NUP205: variants seen among roughly 807,000 people sequenced by gnomAD.
The protein encoded by NUP205 is nucleoporin 205, also known as nuclear pore complex protein Nup205.
A neutral mutation model predicts 253.8 loss-of-function variants in NUP205; 76 were observed. The observed-to-expected ratio is 0.30, with a 90% CI of 0.25 to 0.36. The LOEUF is 0.36. Among genes scored for constraint, NUP205 ranks in the 10% least tolerant of loss-of-function variants. The pLI is 1.00. For missense variants in NUP205, 2,162 were observed against 2,425.5 expected, an observed-to-expected ratio of 0.89 and a Z score of 2.28; for synonymous variants, 832 against 850.1, an observed-to-expected ratio of 0.98 and a Z score of 0.37.
Position 135,638,607 on chromosome 7 carries a change from C to G in NUP205, c.5316C>G (p.Ser1772=), listed in dbSNP as rs1420367794. 1 of 1,613,548 alleles carries G rather than the reference C, an allele frequency of 6.2e-7. No homozygotes were observed. Among genetic ancestry groups the G allele is most frequent in the African/African-American group, 1.3e-5 (1 of 74,864 alleles). ...EYCQSLMLQS[S]PTFQHAVCLF... The stretch of plus-strand genomic sequence containing the variant: ...GCCAGTCACTCATGTTACAGAGTTC[C>G]CCTACCTTCCAGCATGCTGTGTGTC... Residue 1772 remains serine, a synonymous_variant, in exon 38 of 43, where the codon TCC becomes TCG. Transcript: ENST00000285968.
At chr7:135,566,221 G>A (rs1044844946) in intron 1 of NUP205, among the ~76,000 whole-genome samples, 4 of 151,990 alleles carry the variant, frequency 2.6e-5, no homozygotes, top group African/African-American at 9.7e-5. Flanking sequence ...AGATTCTTGT[G>A]CCTCAACCCT....
At chr7:135,596,994 T>G (rs1793855786) in intron 13 of NUP205, among the ~76,000 whole-genome samples, 1 of 151,784 alleles carries the variant, frequency 6.6e-6, no homozygotes, top group Admixed American at 6.6e-5. Flanking sequence ...AGAAGTTTCC[T>G]TTTGGGTTTT....
At chr7:135,613,285 G>C (rs1444562274) in intron 22 of NUP205, among the ~76,000 whole-genome samples, 1 of 151,490 alleles carries the variant, frequency 6.6e-6, no homozygotes, top group African/African-American at 2.4e-5. Flanking sequence ...ATCTGTAATG[G>C]AGATCTTTAT....
intron 13 of NUP205, among the ~76,000 whole-genome samples, chr7:135,596,214 G>C: frequency 6.6e-6 from 1 of 152,154 alleles, no homozygotes; most frequent in South Asian, 2.1e-4. Flanking sequence ...GATTACAGGC[G>C]TGAGCCACCA....
At chr7:135,583,396 A>C (rs1346584782) in intron 7 of NUP205, among the ~76,000 whole-genome samples, 1 of 152,186 alleles carries the variant, frequency 6.6e-6, no homozygotes, top group Non-Finnish European at 1.5e-5. Context: ...TCTTAATAGA[A>C]AGTTGAATGT....
intron 22 of NUP205, among the ~76,000 whole-genome samples, chr7:135,611,771 G>A (rs867104097): frequency 6.6e-6 from 1 of 151,958 alleles, no homozygotes; most frequent in African/African-American, 2.4e-5. Flanking sequence ...CCTGGGAGGT[G>A]GCAGTTGTAA....
chr7:135,601,031 T>C, intron 16 of NUP205, 62 bp downstream of exon 16: 1 of 785,078 alleles, frequency 1.3e-6, no homozygotes, highest in Non-Finnish European at 2.1e-6. Context: ...AAATTATGGC[T>C]ATGTTATATA....
intron 21 of NUP205, 90 bp downstream of exon 21, chr7:135,607,005 C>G: frequency 7.4e-7 from 1 of 1,345,902 alleles, no homozygotes; most frequent in Non-Finnish European, 1.0e-6. Context: ...TGGGATAATT[C>G]ATTGAAAGAA....
chr7:135,580,303 T>C (rs1193279991), intron 7 of NUP205, among the ~76,000 whole-genome samples: 1 of 152,202 alleles, frequency 6.6e-6, no homozygotes, highest in Non-Finnish European at 1.5e-5. Context: ...TATCTGTCTG[T>C]CATCTATATA....
chr7:135,614,298 A>C, intron 23 of NUP205, 25 bp downstream of exon 23: 1 of 1,137,244 alleles, frequency 8.8e-7, no homozygotes, highest in East Asian at 2.4e-5. Flanking sequence ...TCCCGTATTT[A>C]TAAGAACACA....
chr7:135,595,225 G>GTTTT (rs894929669), intron 13 of NUP205, among the ~76,000 whole-genome samples: 2 of 142,974 alleles, frequency 1.4e-5, no homozygotes, highest in African/African-American at 5.1e-5. Flanking sequence ...ACTGATTTTT[G>GTTTT]TTTTTTTTTT....
chr7:135,572,756 C>T (rs924023139), intron 2 of NUP205, among the ~76,000 whole-genome samples: 14 of 151,850 alleles, frequency 9.2e-5, no homozygotes, highest in Admixed American at 2.6e-4. Context: ...GGTTTCACCA[C>T]GTTCGCCAGG....
At chr7:135,641,041 G>T (rs1336642739) in intron 38 of NUP205, among the ~76,000 whole-genome samples, 1 of 151,936 alleles carries the variant, frequency 6.6e-6, no homozygotes. Context: ...AAAAAAAAAA[G>T]TTTGCTGCCA....
intron 19 of NUP205, among the ~76,000 whole-genome samples, chr7:135,605,224 C>A (rs1172106831): frequency 6.6e-6 from 1 of 152,020 alleles, no homozygotes; most frequent in African/African-American, 2.4e-5. Flanking sequence ...ACCATGTTAC[C>A]CAGGCTGGTC....
At chr7:135,641,296 G>A (rs530304224) in intron 38 of NUP205, among the ~76,000 whole-genome samples, 7 of 152,228 alleles carry the variant, frequency 4.6e-5, no homozygotes, top group African/African-American at 1.7e-4. Flanking sequence ...TGTTATCTGG[G>A]GACCAGGATA....
intron 1 of NUP205, among the ~76,000 whole-genome samples, chr7:135,570,902 A>ATATATAATATATT: frequency 8.0e-6 from 1 of 124,960 alleles, no homozygotes; most frequent in South Asian, 2.2e-4. Context: ...TTATATATTT[A>ATATATAATATATT]TATATAATAT....
chr7:135,574,167 G>A (rs1167841353), intron 3 of NUP205, among the ~76,000 whole-genome samples: 1 of 152,058 alleles, frequency 6.6e-6, no homozygotes, highest in Non-Finnish European at 1.5e-5. Context: ...TTGGAAGGAA[G>A]GCTTCAGTTT....
intron 2 of NUP205, among the ~76,000 whole-genome samples, chr7:135,573,088 G>A (rs1170611871): frequency 6.6e-6 from 1 of 151,992 alleles, no homozygotes; most frequent in Non-Finnish European, 1.5e-5. Context: ...GACTTAGCTG[G>A]ATGTCGGTTT....
At chr7:135,619,942 A>AT in intron 30 of NUP205, 54 bp downstream of exon 30, 1 of 1,163,850 alleles carries the variant, frequency 8.6e-7, no homozygotes, top group East Asian at 2.3e-5. Flanking sequence ...GTTACTTTAA[A>AT]TTGAAAAAAA....
Sources: gnomAD v4.1 joint callset for allele counts (sites outside exome capture counted in the v4.1 genomes callset) on GRCh38, gnomAD v4.1.1 for gene constraint, MANE v1.5 for transcripts, NCBI Gene and HGNC (gene_info 2026-07-23, HGNC 2026-07-21) for gene names.